The following CHCHD6 variants were observed in gnomAD, a reference collection of about 807,000 sequenced individuals.
The protein encoded by CHCHD6 is MICOS complex subunit MIC25.
CHCHD6 carries 28 observed loss-of-function variants against 32.3 expected under a neutral mutation model. The ratio of observed to expected loss-of-function variants is 0.87; its 90% CI spans 0.64 to 1.19. The LOEUF is 1.19. CHCHD6 is among the 50% of genes most tolerant of loss of function. The probability of loss-of-function intolerance (pLI) is 0.00; values close to 1 mark genes in which losing one functional copy is unlikely to be tolerated. For synonymous variants in CHCHD6, 122 were observed against 117.5 expected, an observed-to-expected ratio of 1.04 and a Z score of -0.25; for missense variants, 333 against 307.0, an observed-to-expected ratio of 1.08 and a Z score of -0.63.
At chr3:126,815,871 G>A (rs981207328) in intron 4 of CHCHD6, among the ~76,000 whole-genome samples, 23 of 152,262 alleles carry the variant, frequency 1.5e-4, no homozygotes, top group Admixed American at 8.5e-4. Context: ...AGGAAGAGAC[G>A]CTCACCTCTG....
At chr3:126,759,290 C>T (rs1176940930) in intron 4 of CHCHD6, among the ~76,000 whole-genome samples, 1 of 152,238 alleles carries the variant, frequency 6.6e-6, no homozygotes, top group Non-Finnish European at 1.5e-5. Flanking sequence ...ATTGTAATTT[C>T]ATCCATAAAT....
intron 5 of CHCHD6, among the ~76,000 whole-genome samples, chr3:126,895,334 G>T (rs1008508348): frequency 1.1e-4 from 17 of 152,214 alleles, no homozygotes; most frequent in African/African-American, 3.9e-4. Context: ...AGCTTCATGA[G>T]GGGCTGGGTG....
intron 6 of CHCHD6, among the ~76,000 whole-genome samples, chr3:126,943,359 T>C (rs2078590099): frequency 6.6e-6 from 1 of 152,198 alleles, no homozygotes; most frequent in Non-Finnish European, 1.5e-5. Context: ...AGAGTGTGCC[T>C]TCACCTCTGC....
At chr3:126,888,028 T>C (rs2077702099) in intron 5 of CHCHD6, among the ~76,000 whole-genome samples, 1 of 152,186 alleles carries the variant, frequency 6.6e-6, no homozygotes. Context: ...GTCATGTATA[T>C]GTGAGCGGGG....
At chr3:126,932,562 A>G (rs2078421318) in intron 6 of CHCHD6, among the ~76,000 whole-genome samples, 2 of 152,286 alleles carry the variant, frequency 1.3e-5, no homozygotes, top group South Asian at 4.1e-4. Flanking sequence ...GGCCCAGAGA[A>G]CGTCATCCTG....
At chr3:126,861,297 A>G (rs1941851719) in intron 5 of CHCHD6, among the ~76,000 whole-genome samples, 1 of 151,982 alleles carries the variant, frequency 6.6e-6, no homozygotes, top group Admixed American at 6.6e-5. Flanking sequence ...GAAGTTAGGT[A>G]CTTTTAAGTC....
chr3:126,760,857 C>G (rs1300172923), intron 4 of CHCHD6, among the ~76,000 whole-genome samples: 1 of 151,686 alleles, frequency 6.6e-6, no homozygotes, highest in Non-Finnish European at 1.5e-5. Context: ...CATTTGGAGG[C>G]AGGTCTTGCC....
chr3:126,753,403 C>T (rs752610548), intron 4 of CHCHD6, among the ~76,000 whole-genome samples: 1 of 152,206 alleles, frequency 6.6e-6, no homozygotes, highest in Non-Finnish European at 1.5e-5. Context: ...CTGAGGCACT[C>T]GTAGCTGGGT....
intron 4 of CHCHD6, among the ~76,000 whole-genome samples, chr3:126,803,018 G>T (rs9848408): frequency 0.34 from 50,784 of 150,788 alleles, 10,036 homozygotes; most frequent in African/African-American, 0.57. Context: ...AATGCTGAGA[G>T]ATTTTGTCAC....
intron 4 of CHCHD6, among the ~76,000 whole-genome samples, chr3:126,843,087 A>T (rs1046470840): frequency 2.6e-5 from 4 of 152,104 alleles, no homozygotes; most frequent in Admixed American, 2.6e-4. Context: ...CAAGTTGAGG[A>T]AACTTTCTTC....
At chr3:126,732,760 C>G (rs1935866902) in intron 3 of CHCHD6, among the ~76,000 whole-genome samples, 1 of 152,218 alleles carries the variant, frequency 6.6e-6, no homozygotes, top group Non-Finnish European at 1.5e-5. Flanking sequence ...TGGAGGCAAT[C>G]CGTGGATTGA....
chr3:126,846,769 GT>G (rs1472450379), intron 4 of CHCHD6, among the ~76,000 whole-genome samples: 1 of 152,104 alleles, frequency 6.6e-6, no homozygotes, highest in Non-Finnish European at 1.5e-5. Flanking sequence ...GGCCATTAAT[GT>G]GTCTGGTTCC....
chr3:126,904,062 C>T lies in CHCHD6; in HGVS notation c.496-10618C>T, dbSNP rs551146661. On this transcript the variant is annotated intron_variant, in intron 5 of 7. Transcript: ENST00000290913. ...CTTTTGCCTTTAACTGTTGATCAGG[C>T]GTTTCTTCCATGAAGTTTTTCTTGA... Among the ~76,000 whole-genome samples, 9 of 152,294 alleles carry T rather than the reference C, an allele frequency of 5.9e-5. No individual in the cohort carries two copies. In the East Asian group the frequency reaches 9.6e-4, roughly 16 times the overall value.
intron 5 of CHCHD6, among the ~76,000 whole-genome samples, chr3:126,887,115 G>T (rs902847151): frequency 1.3e-5 from 2 of 152,106 alleles, no homozygotes; most frequent in Non-Finnish European, 2.9e-5. Context: ...GTGTGTTCCT[G>T]GTCTTTATGC....
intron 5 of CHCHD6, among the ~76,000 whole-genome samples, chr3:126,858,214 C>T (rs898516492): frequency 2.7e-5 from 4 of 150,912 alleles, no homozygotes; most frequent in African/African-American, 4.9e-5. Flanking sequence ...GTGAAGGCAG[C>T]ACAGCACATC....
At chr3:126,880,639 A>G (rs532616642) in intron 5 of CHCHD6, among the ~76,000 whole-genome samples, 1 of 152,362 alleles carries the variant, frequency 6.6e-6, no homozygotes, top group South Asian at 2.1e-4. Context: ...CACTCACACT[A>G]TCTGGGGGAC....
At chr3:126,904,857 C>T (rs1025812063) in intron 5 of CHCHD6, among the ~76,000 whole-genome samples, 13 of 152,136 alleles carry the variant, frequency 8.5e-5, no homozygotes, top group Non-Finnish European at 1.3e-4. Flanking sequence ...CAGCCAGCTT[C>T]GTTAAGAAAT....
intron 4 of CHCHD6, among the ~76,000 whole-genome samples, chr3:126,803,096 C>T (rs920234509): frequency 7.9e-5 from 12 of 152,056 alleles, no homozygotes; most frequent in African/African-American, 2.7e-4. Context: ...CTAGTACCAA[C>T]CACTGCAAAA....
chr3:126,825,467 TA>T (rs1455819499), intron 4 of CHCHD6, among the ~76,000 whole-genome samples: 2 of 152,220 alleles, frequency 1.3e-5, no homozygotes, highest in Non-Finnish European at 2.9e-5. Flanking sequence ...CTCTTTTTCT[TA>T]CTTTTTTTGG....
Sources: allele counts gnomAD v4.1 joint callset (sites outside exome capture counted in the v4.1 genomes callset), GRCh38; gene constraint gnomAD v4.1.1; transcripts MANE v1.5; gene names NCBI Gene and HGNC (gene_info 2026-07-23, HGNC 2026-07-21).